Variants in SAMSN1 observed in about 807,000 individuals in gnomAD.
SAMSN1 encodes SAM domain, SH3 domain and nuclear localization signals 1.
Under a neutral mutation model 42.0 loss-of-function variants are expected in SAMSN1, and 31 were observed. The observed-to-expected ratio is 0.74, with a 90% CI of 0.55 to 1.00. SAMSN1 has a LOEUF of 1.00. Ranked by LOEUF, SAMSN1 falls within the 50% of genes least tolerant of loss-of-function variation. The pLI is 0.00. For missense variants in SAMSN1, 464 were observed against 439.4 expected (o/e 1.06, Z -0.50); for synonymous variants, 178 against 151.9 (o/e 1.17, Z -1.26).
chr21:14,526,020 C>A (rs556757387), intron 1 of SAMSN1, among the ~76,000 whole-genome samples: 2 of 152,174 alleles, frequency 1.3e-5, no homozygotes, highest in South Asian at 2.1e-4. Flanking sequence ...CTTGCACCCC[C>A]ACGCCCAGCT....
chr21:14,542,799 C>G (rs1029500321), intron 1 of SAMSN1, among the ~76,000 whole-genome samples: 1 of 151,968 alleles, frequency 6.6e-6, no homozygotes, highest in African/African-American at 2.4e-5. Flanking sequence ...TAAAAATTAG[C>G]TGGGCTGGTG....
chr21:14,518,864 T>C (rs1988033599), intron 2 of SAMSN1, among the ~76,000 whole-genome samples: 1 of 152,186 alleles, frequency 6.6e-6, no homozygotes, highest in South Asian at 2.1e-4. Flanking sequence ...TTAGCCTTTT[T>C]CTTCTCTCTA....
intron 1 of SAMSN1, among the ~76,000 whole-genome samples, chr21:14,539,861 G>T (rs1242629399): frequency 6.6e-6 from 1 of 152,172 alleles, no homozygotes; most frequent in African/African-American, 2.4e-5. Flanking sequence ...GAAGAACAAA[G>T]CTGGAGGCAT....
At chr21:14,547,544 G>T (rs148072468), upstream of SAMSN1, among the ~76,000 whole-genome samples, 149 of 152,268 alleles carry the variant, frequency 9.8e-4, 5 homozygotes, top group East Asian at 0.022. Context: ...GAGCAACCCA[G>T]ATTAAGAAAA....
At chr21:14,504,747 C>A (rs1020774781) in intron 5 of SAMSN1, among the ~76,000 whole-genome samples, 1 of 152,034 alleles carries the variant, frequency 6.6e-6, no homozygotes, top group Non-Finnish European at 1.5e-5. Context: ...ACAAGAAACA[C>A]GAACCTAGGA....
chr21:14,528,417 GC>G (rs1979018709), intron 1 of SAMSN1, among the ~76,000 whole-genome samples: 1 of 152,054 alleles, frequency 6.6e-6, no homozygotes, highest in African/African-American at 2.4e-5. Context: ...TTTTATGCCT[GC>G]CCCAGCCCAT....
At chr21:14,543,243 G>A (rs1158248951) in intron 1 of SAMSN1, among the ~76,000 whole-genome samples, 1 of 152,100 alleles carries the variant, frequency 6.6e-6, no homozygotes. Context: ...TATACTGTAA[G>A]TGTCTTACAA....
At chr21:14,501,581 A>G (rs1164431735) in intron 5 of SAMSN1, among the ~76,000 whole-genome samples, 1 of 152,200 alleles carries the variant, frequency 6.6e-6, no homozygotes, top group Non-Finnish European at 1.5e-5. Flanking sequence ...AGGAGATGAA[A>G]GAGAAGTCTG....
At chr21:14,633,212 C>T (rs1983377765) in intron 2 of SAMSN1, among the ~76,000 whole-genome samples, 2 of 152,062 alleles carry the variant, frequency 1.3e-5, no homozygotes, top group Admixed American at 1.3e-4. Context: ...CACACACATA[C>T]ACACACACAG....
At chr21:14,507,131 C>G (rs1281951691) in intron 5 of SAMSN1, among the ~76,000 whole-genome samples, 1 of 152,122 alleles carries the variant, frequency 6.6e-6, no homozygotes, top group Non-Finnish European at 1.5e-5. Context: ...AGAACTGGAA[C>G]AAGATAAGGA....
rs769161257 is a variant in SAMSN1 at position 14,512,454 on chromosome 21, C to G, written c.399G>C (p.Gln133His). Residue 133 changes from glutamine to histidine, a missense_variant, in exon 4 of 8, where the codon CAG (glutamine) becomes CAC (histidine). Physicochemically the swap from Gln to His is conservative, Grantham distance 24. Coordinates refer to ENST00000400566, the MANE Select transcript of SAMSN1 (RefSeq NM_022136.5). ...SDSMDSLYSG[Q>H]SSSSGITSCS... ...ATTCATTAGCCTTACTTGATGAGCT[C>G]TGTCCACTGTAGAGACTATCCATGG... 6.2e-5 allele frequency: 100 copies of G among 1,613,816 alleles called. No individual in the cohort carries two copies. The highest frequency in any genetic ancestry group is 8.4e-5 in the Non-Finnish European group (99 of 1,179,830).
chr21:14,524,489 T>A (rs928082562), intron 1 of SAMSN1, among the ~76,000 whole-genome samples: 1 of 152,210 alleles, frequency 6.6e-6, no homozygotes, highest in African/African-American at 2.4e-5. Context: ...ATGTTTCCAG[T>A]CTTTCCTTAT....
chr21:14,619,711 C>A, intron 2 of SAMSN1: 2 of 292,628 alleles, frequency 6.8e-6, no homozygotes, highest in Admixed American at 4.4e-5. Flanking sequence ...TAAAATAATA[C>A]ACACTTATTT....
At chr21:14,502,706 G>A (rs1405188953) in intron 5 of SAMSN1, among the ~76,000 whole-genome samples, 1 of 151,966 alleles carries the variant, frequency 6.6e-6, no homozygotes, top group Non-Finnish European at 1.5e-5. Context: ...CTAGGTTATG[G>A]GTACCCTTTC....
chr21:14,551,482 G>A lies in SAMSN1; in HGVS notation c.262-30261C>T, dbSNP rs80278604. ...TCAAAGTGACTGGAAAAATTAGGGA[G>A]GCTGATAAAGTTTAAGATTCAAAAT... On this transcript the variant is annotated intron_variant, in intron 2 of 8. Transcript: ENST00000285670. Among the ~76,000 whole-genome samples the A allele has an allele frequency of 2.0e-5, 3 of 152,020 alleles. No homozygotes were observed. The East Asian group carries it at 5.8e-4, about 29-fold the overall frequency.
intron 1 of SAMSN1, among the ~76,000 whole-genome samples, chr21:14,524,677 A>G (rs1156634423): frequency 6.6e-6 from 1 of 152,166 alleles, no homozygotes; most frequent in Non-Finnish European, 1.5e-5. Flanking sequence ...TAGCACTTTT[A>G]TATTATCAAA....
chr21:14,595,611 C>T (rs1388651762), intron 6 of SAMSN1, among the ~76,000 whole-genome samples: 2 of 152,064 alleles, frequency 1.3e-5, no homozygotes, highest in Non-Finnish European at 2.9e-5. Flanking sequence ...ATATTTATGA[C>T]AATCGCAAGA....
chr21:14,607,361 C>G (rs773825819), intron 5 of SAMSN1, among the ~76,000 whole-genome samples: 2 of 152,216 alleles, frequency 1.3e-5, no homozygotes, highest in Non-Finnish European at 2.9e-5. Flanking sequence ...AATGAAACCA[C>G]TATACCCATA....
chr21:14,540,049 C>T (rs1157476055), intron 1 of SAMSN1, among the ~76,000 whole-genome samples: 2 of 152,080 alleles, frequency 1.3e-5, no homozygotes, highest in Non-Finnish European at 2.9e-5. Context: ...GGAAAGGATT[C>T]CCTATTTAAT....
Sources: gnomAD v4.1 joint callset for allele counts (sites outside exome capture counted in the v4.1 genomes callset) on GRCh38, gnomAD v4.1.1 for gene constraint, MANE v1.5 for transcripts, NCBI Gene and HGNC (gene_info 2026-07-23, HGNC 2026-07-21) for gene names.